The following ACVR2A variants were observed in gnomAD, a reference collection of about 807,000 sequenced individuals.
The protein encoded by ACVR2A is activin receptor type-2A.
In ACVR2A, 7 loss-of-function variants were observed where a neutral mutation model predicts 61.4. The ratio of observed to expected loss-of-function variants is 0.11; its 90% CI spans 0.06 to 0.21. The LOEUF is 0.21. Ranked by LOEUF, ACVR2A falls within the 10% of genes least tolerant of loss-of-function variation. The probability of loss-of-function intolerance (pLI) is 1.00; values close to 1 mark genes in which losing one functional copy is unlikely to be tolerated. For synonymous variants in ACVR2A, 193 were observed against 208.3 expected, an observed-to-expected ratio of 0.93 and a Z score of 0.63; for missense variants, 322 against 621.7, an observed-to-expected ratio of 0.52 and a Z score of 5.13.
At chr2:147,864,407 AT>A (rs1053143421) in intron 1 of ACVR2A, among the ~76,000 whole-genome samples, 2 of 151,598 alleles carry the variant, frequency 1.3e-5, no homozygotes, top group South Asian at 4.2e-4. Flanking sequence ...TTTTTTTTGT[AT>A]TTTTTTAGAG....
intron 4 of ACVR2A, among the ~76,000 whole-genome samples, chr2:147,903,377 A>T (rs987700880): frequency 6.6e-6 from 1 of 151,520 alleles, no homozygotes; most frequent in Non-Finnish European, 1.5e-5. Context: ...AGTCCTGTTC[A>T]TTCACCTTTT....
rs749513414 is a variant in ACVR2A, at chr2:147,922,953, G to A, written c.1078-20G>A. 1.1e-5 allele frequency: 18 copies of A among 1,595,736 alleles called. No individual in the cohort carries two copies. Among genetic ancestry groups the A allele is most frequent in the Middle Eastern group, 1.7e-4 (1 of 5,936 alleles). On this transcript the variant is annotated intron_variant, in intron 8 of 10. Transcript: ENST00000241416. Reference sequence around the variant, plus strand: ...TAAAGTTAATGAATGAGTACTCTTTGCTTTTAACATCTTTTTCAGGTTGGT... The same window carrying A: ...TAAAGTTAATGAATGAGTACTCTTTACTTTTAACATCTTTTTCAGGTTGGT...
At chr2:147,875,999 C>T (rs1686144320) in intron 1 of ACVR2A, among the ~76,000 whole-genome samples, 1 of 152,030 alleles carries the variant, frequency 6.6e-6, no homozygotes, top group Non-Finnish European at 1.5e-5. Context: ...GCAAAATAAA[C>T]AGGGAAGCAG....
chr2:147,915,793 G>A (rs1687234171), intron 5 of ACVR2A, among the ~76,000 whole-genome samples: 1 of 151,882 alleles, frequency 6.6e-6, no homozygotes, highest in South Asian at 2.1e-4. Flanking sequence ...GTTTTTGTTT[G>A]ATGCATTTTC....
At chr2:147,897,730 G>T (rs1274210174) in intron 2 of ACVR2A, among the ~76,000 whole-genome samples, 1 of 152,158 alleles carries the variant, frequency 6.6e-6, no homozygotes, top group Non-Finnish European at 1.5e-5. Flanking sequence ...CACTTTTTGT[G>T]AGAAATTACA....
At chr2:147,882,828 C>T (rs1373170186) in intron 1 of ACVR2A, among the ~76,000 whole-genome samples, 2 of 151,668 alleles carry the variant, frequency 1.3e-5, no homozygotes, top group African/African-American at 4.8e-5. Context: ...AAAAAAATTT[C>T]TGGGAAGAAA....
At chr2:147,910,900 T>A (rs1687095943) in intron 4 of ACVR2A, among the ~76,000 whole-genome samples, 1 of 152,152 alleles carries the variant, frequency 6.6e-6, no homozygotes, top group African/African-American at 2.4e-5. Flanking sequence ...GATCTTGTTT[T>A]CCTGTCTTAG....
At chr2:147,896,272 G>T in intron 1 of ACVR2A, 29 bp from the exon 2 acceptor site, 1 of 1,561,714 alleles carries the variant, frequency 6.4e-7, no homozygotes, top group Non-Finnish European at 8.8e-7. Flanking sequence ...AGATAATGTG[G>T]TTATATTATT....
Position 147,899,538 on chromosome 2 carries a change from C to T in ACVR2A, c.344C>T (p.Ser115Phe), listed in dbSNP as rs1251021144. Residue 115 changes from serine to phenylalanine, a missense_variant, in exon 3 of 11, where the codon TCT (serine) becomes TTT (phenylalanine). Transcript: ENST00000241416. ...CEGNMCNEKFSYFPEMEVTQP... is the reference protein window; with the variant it reads ...CEGNMCNEKFFYFPEMEVTQP... ...GGCAATATGTGTAATGAAAAGTTTT[C>T]TTATTTTCCGGAGATGGAAGTCACA... 6.2e-7 allele frequency: 1 copy of T among 1,613,016 alleles called. No homozygotes were observed.
chr2:147,853,524 G>A (rs1043115739), intron 1 of ACVR2A, among the ~76,000 whole-genome samples: 2 of 152,066 alleles, frequency 1.3e-5, no homozygotes, highest in African/African-American at 4.8e-5. Context: ...ACTTTTCAGT[G>A]ACCATTCTTT....
chr2:147,923,100 C>A lies in ACVR2A; in HGVS notation c.1205C>A (p.Thr402Asn). ...LVLWELASRC[T>N]AADGPVDEYM... ...CTATGGGAACTGGCTTCTCGCTGTA[C>A]TGCTGCAGATGGTAAGGGAAAAAAA... Residue 402 changes from threonine (T) to asparagine (N), a missense_variant, in exon 9 of 11, where the codon ACT becomes AAT. Physicochemically the swap from Thr to Asn is moderately conservative, Grantham distance 65. Transcript: ENST00000241416. The A allele has an allele frequency of 6.2e-7, 1 of 1,608,294 alleles. No individual in the cohort carries two copies. The highest frequency in any genetic ancestry group is 2.2e-5 in the East Asian group (1 of 44,850).
chr2:147,876,083 A>G (rs1174811260), intron 1 of ACVR2A, among the ~76,000 whole-genome samples: 1 of 152,148 alleles, frequency 6.6e-6, no homozygotes, highest in Non-Finnish European at 1.5e-5. Context: ...TTTATTAGAT[A>G]CTGAGTACTG....
intron 4 of ACVR2A, among the ~76,000 whole-genome samples, chr2:147,900,227 G>T: frequency 6.6e-6 from 1 of 152,144 alleles, no homozygotes; most frequent in South Asian, 2.1e-4. Flanking sequence ...TCATAACCCT[G>T]TCTTTGCCCT....
rs184020072 is a variant in ACVR2A, at chr2:147,893,871, A to G, written c.56-2430A>G. Among the ~76,000 whole-genome samples the G allele has an allele frequency of 5.4e-3, 823 of 152,154 alleles. 3 individuals carry two copies. Among genetic ancestry groups the G allele is most frequent in the Non-Finnish European group, 9.3e-3 (635 of 67,968 alleles). On this transcript the variant is annotated intron_variant, in intron 1 of 10. Transcript: ENST00000241416. ...TTCAAAGAGTAGAAGTTTTCATTTT[A>G]GTGAGGTTCAGTTTATCGGTTCTGT...
chr2:147,859,625 A>C (rs1685675593), intron 1 of ACVR2A, among the ~76,000 whole-genome samples: 1 of 152,166 alleles, frequency 6.6e-6, no homozygotes, highest in Admixed American at 6.6e-5. Context: ...CTATGTGGTC[A>C]GAAAAGTTTG....
chr2:147,876,176 A>G (rs528702861), intron 1 of ACVR2A, among the ~76,000 whole-genome samples: 1 of 152,180 alleles, frequency 6.6e-6, no homozygotes, highest in Non-Finnish European at 1.5e-5. Flanking sequence ...CATTCCCTTC[A>G]ATCCTCAGTT....
chr2:147,922,728 T>C (rs912235056), intron 8 of ACVR2A, among the ~76,000 whole-genome samples: 2 of 152,208 alleles, frequency 1.3e-5, no homozygotes, highest in South Asian at 2.1e-4. Context: ...CAGCTGACAA[T>C]TGGTTCAGTT....
chr2:147,922,531 A>T (rs1687406877), intron 8 of ACVR2A, among the ~76,000 whole-genome samples: 2 of 152,208 alleles, frequency 1.3e-5, no homozygotes, highest in Non-Finnish European at 1.5e-5. Flanking sequence ...TGAATAAACA[A>T]ATACATAGAT....
At chr2:147,871,636 T>C (rs1204017560) in intron 1 of ACVR2A, among the ~76,000 whole-genome samples, 1 of 152,132 alleles carries the variant, frequency 6.6e-6, no homozygotes, top group Non-Finnish European at 1.5e-5. Flanking sequence ...GAATAGCTGC[T>C]CTTATGCCTT....
Sources: gnomAD v4.1 joint callset for allele counts (sites outside exome capture counted in the v4.1 genomes callset) on GRCh38, gnomAD v4.1.1 for gene constraint, MANE v1.5 for transcripts, NCBI Gene and HGNC (gene_info 2026-07-23, HGNC 2026-07-21) for gene names.